The following CYREN variants were observed in gnomAD, a reference collection of about 807,000 sequenced individuals.
CYREN encodes cell cycle regulator of NHEJ.
Under a neutral mutation model 9.7 loss-of-function variants are expected in CYREN, and 7 were observed. The observed-to-expected ratio is 0.72, with a 90% CI of 0.41 to 1.36. CYREN has a LOEUF of 1.36. Among genes scored for constraint, CYREN ranks in the 40% most tolerant of loss-of-function variants. The pLI is 0.01. For synonymous variants in CYREN, 76 were observed against 77.9 expected, an observed-to-expected ratio of 0.98 and a Z score of 0.13; for missense variants, 215 against 198.1, an observed-to-expected ratio of 1.09 and a Z score of -0.51.
At chr7:135,170,023 G>A (rs1028942789) in intron 1 of CYREN, among the ~76,000 whole-genome samples, 4 of 152,216 alleles carry the variant, frequency 2.6e-5, no homozygotes, top group Admixed American at 2.0e-4. Context: ...CCTCCCAAGC[G>A]CAATGCTGCA....
At chr7:135,158,535 GAT>G (rs2117450966) in intron 2 of CYREN, among the ~76,000 whole-genome samples, 1 of 152,358 alleles carries the variant, frequency 6.6e-6, no homozygotes, top group South Asian at 2.1e-4. Flanking sequence ...TCTTGTCCTA[GAT>G]ATGTGTAGGA....
chr7:135,142,663 G>A lies in CYREN; in HGVS notation n.356+26086C>T, dbSNP rs566481505. ...CTAGGTTAATATACAAAAGTCAATTGCCTCCTTATATGCCAGCAATGAACA... is the reference window on the plus strand; with the variant it reads ...CTAGGTTAATATACAAAAGTCAATTACCTCCTTATATGCCAGCAATGAACA... On this transcript the variant is annotated intron_variant and non_coding_transcript_variant, in intron 2 of 2. Transcript: ENST00000459937. Among the ~76,000 whole-genome samples the A allele has an allele frequency of 1.2e-4, 19 of 152,182 alleles. No homozygotes were observed. In the South Asian group the frequency reaches 3.9e-3, roughly 32 times the overall value.
chr7:135,159,374 C>T (rs1829872884), intron 2 of CYREN, among the ~76,000 whole-genome samples: 1 of 152,228 alleles, frequency 6.6e-6, no homozygotes, highest in African/African-American at 2.4e-5. Context: ...TCTCTTTCAG[C>T]CGCCATCCCA....
At chr7:135,123,224 C>G (rs1827389756) in intron 2 of CYREN, among the ~76,000 whole-genome samples, 1 of 152,138 alleles carries the variant, frequency 6.6e-6, no homozygotes, top group African/African-American at 2.4e-5. Context: ...AGCTGAAAAA[C>G]AGCACAAGAA....
At chr7:135,165,012 T>C (rs1424444626), downstream of CYREN, 1 of 1,560,272 alleles carries the variant, frequency 6.4e-7, no homozygotes, top group South Asian at 1.2e-5. Context: ...GCTTACGTGA[T>C]TGCAAGGGTT....
intron 2 of CYREN, among the ~76,000 whole-genome samples, chr7:135,149,565 T>C (rs907674011): frequency 6.6e-6 from 1 of 152,196 alleles, no homozygotes; most frequent in East Asian, 1.9e-4. Flanking sequence ...CAAAGAGATA[T>C]GACTATTTTT....
chr7:135,103,365 A>G (rs1824147150), intron 2 of CYREN, among the ~76,000 whole-genome samples: 1 of 152,146 alleles, frequency 6.6e-6, no homozygotes, highest in Non-Finnish European at 1.5e-5. Context: ...GTTTTAAGTG[A>G]AGTCCAAAAA....
At chr7:135,094,434 T>G (rs1211430248) in exon 3 of CYREN, 1 of 456,692 alleles carries the variant, frequency 2.2e-6, no homozygotes. Flanking sequence ...ACAGTGATTT[T>G]AACAAATTGC....
intron 2 of CYREN, among the ~76,000 whole-genome samples, chr7:135,096,558 A>AGATAGAT (rs1822770203): frequency 2.8e-4 from 22 of 79,788 alleles, no homozygotes; most frequent in African/African-American, 9.7e-4. Flanking sequence ...GAAAGAAAGA[A>AGATAGAT]AGATAGATAG....
intron 2 of CYREN, among the ~76,000 whole-genome samples, chr7:135,119,026 G>A (rs945526520): frequency 4.6e-5 from 7 of 152,060 alleles, no homozygotes; most frequent in Non-Finnish European, 1.0e-4. Flanking sequence ...GCACCTGTAG[G>A]ACTATAAGAC....
At chr7:135,109,215 T>C (rs944287021) in intron 2 of CYREN, among the ~76,000 whole-genome samples, 1 of 152,228 alleles carries the variant, frequency 6.6e-6, no homozygotes, top group Non-Finnish European at 1.5e-5. Flanking sequence ...AGAACCCTGG[T>C]TGGAGAACTG....
intron 2 of CYREN, among the ~76,000 whole-genome samples, chr7:135,097,637 C>T (rs764818329): frequency 1.9e-4 from 29 of 152,246 alleles, no homozygotes; most frequent in Admixed American, 7.8e-4. Context: ...TAGCCTGTGA[C>T]ATTGAGGCTT....
At chr7:135,102,533 G>A (rs1223994145) in intron 2 of CYREN, among the ~76,000 whole-genome samples, 3 of 151,818 alleles carry the variant, frequency 2.0e-5, no homozygotes, top group African/African-American at 4.8e-5. Context: ...AGTATTATGT[G>A]GCTATGACAA....
intron 2 of CYREN, among the ~76,000 whole-genome samples, chr7:135,112,968 G>C (rs1403844184): frequency 6.6e-6 from 1 of 152,092 alleles, no homozygotes; most frequent in Non-Finnish European, 1.5e-5. Context: ...GTAGAGACAG[G>C]GTTTCACCCT....
At chr7:135,138,877 G>A (rs1347072891) in intron 2 of CYREN, among the ~76,000 whole-genome samples, 2 of 151,916 alleles carry the variant, frequency 1.3e-5, no homozygotes, top group Admixed American at 6.6e-5. Context: ...AATTTGCTTA[G>A]GATAATGACC....
chr7:135,109,264 G>A (rs564786065), intron 2 of CYREN, among the ~76,000 whole-genome samples: 1 of 152,290 alleles, frequency 6.6e-6, no homozygotes, highest in African/African-American at 2.4e-5. Flanking sequence ...TTGGGCCATC[G>A]AACTGCCAGA....
chr7:135,160,587 T>C (rs1228608859), intron 2 of CYREN, among the ~76,000 whole-genome samples: 1 of 152,140 alleles, frequency 6.6e-6, no homozygotes, highest in Admixed American at 6.5e-5. Flanking sequence ...ACAGAAAGCA[T>C]GGATGGGCCA....
chr7:135,166,749 G>T lies in CYREN; in HGVS notation c.336C>A (p.Asp112Glu). ...TSSGSSSEEE[D>E]SGKQALAPGL... ...CTGGAGCCAGTGCCTGTTTCCCACT[G>T]TCCTCTTCCTCACTGCTGCTCCCAG... The change falls in exon 4 of 4, where the codon GAC becomes GAA. Residue 112 changes from aspartate (D) to glutamate (E), a missense_variant. By Grantham distance (45) the Asp-to-Glu change is conservative. Transcript: ENST00000393114. 1.2e-6 allele frequency: 2 copies of T among 1,614,060 alleles called. No individual in the cohort carries two copies. Among genetic ancestry groups the T allele is most frequent in the Non-Finnish European group, 1.7e-6 (2 of 1,180,038 alleles).
At chr7:135,147,310 AG>A (rs1247581326) in intron 2 of CYREN, among the ~76,000 whole-genome samples, 6 of 152,152 alleles carry the variant, frequency 3.9e-5, no homozygotes. Flanking sequence ...AACTAGGGGC[AG>A]GGGGAGGGCA....
Sources: gnomAD v4.1 joint callset for allele counts (sites outside exome capture counted in the v4.1 genomes callset) on GRCh38, gnomAD v4.1.1 for gene constraint, MANE v1.5 for transcripts, NCBI Gene and HGNC (gene_info 2026-07-23, HGNC 2026-07-21) for gene names.